FOXP1: variants seen among roughly 807,000 people sequenced by gnomAD.
FOXP1 encodes the protein forkhead box protein P1.
A neutral mutation model predicts 98.2 loss-of-function variants in FOXP1; 15 were observed. The ratio of observed to expected loss-of-function variants is 0.15; its 90% CI spans 0.10 to 0.24. The LOEUF is 0.24. Ranked by LOEUF, FOXP1 falls within the 10% of genes least tolerant of loss-of-function variation. The pLI is 1.00. For missense variants in FOXP1, 633 were observed against 848.5 expected, an observed-to-expected ratio of 0.75 and a Z score of 3.15; for synonymous variants, 371 against 314.5, an observed-to-expected ratio of 1.18 and a Z score of -1.90.
intron 3 of FOXP1, among the ~76,000 whole-genome samples, chr3:71,384,397 C>G (rs748272815): frequency 1.3e-5 from 2 of 152,066 alleles, no homozygotes; most frequent in Non-Finnish European, 2.9e-5. Context: ...AGAAAAGCAA[C>G]GGAAACAAGG....
intron 6 of FOXP1, among the ~76,000 whole-genome samples, chr3:71,146,069 G>T (rs1247398591): frequency 2.0e-5 from 3 of 152,182 alleles, no homozygotes; most frequent in Non-Finnish European, 4.4e-5. Flanking sequence ...CGGAAGCTGT[G>T]GATGGGCCCA....
intron 3 of FOXP1, among the ~76,000 whole-genome samples, chr3:71,374,708 C>T (rs34973838): frequency 0.24 from 35,856 of 152,096 alleles, 5,187 homozygotes; most frequent in Middle Eastern, 0.35. Context: ...TGCAAGTATC[C>T]AAGTAACTAT....
chr3:71,137,378 C>T (rs1048480893), intron 6 of FOXP1, among the ~76,000 whole-genome samples: 1 of 152,224 alleles, frequency 6.6e-6, no homozygotes, highest in Non-Finnish European at 1.5e-5. Flanking sequence ...AAAACATCCT[C>T]CATACGGTCT....
chr3:71,462,662 T>G (rs972037162), intron 3 of FOXP1, among the ~76,000 whole-genome samples: 1 of 152,242 alleles, frequency 6.6e-6, no homozygotes, highest in African/African-American at 2.4e-5. Flanking sequence ...AGGGAAATCA[T>G]TGCATCTATG....
chr3:71,529,078 T>C (rs191869476), intron 2 of FOXP1, among the ~76,000 whole-genome samples: 237 of 152,290 alleles, frequency 1.6e-3, no homozygotes, highest in African/African-American at 5.5e-3. Flanking sequence ...CTGTGATGAA[T>C]AAAAAGAAAA....
At chr3:71,146,103 A>G (rs1166892891) in intron 6 of FOXP1, among the ~76,000 whole-genome samples, 1 of 152,182 alleles carries the variant, frequency 6.6e-6, no homozygotes, top group Non-Finnish European at 1.5e-5. Flanking sequence ...ACAGAGAGGG[A>G]ACAAACAGGA....
At chr3:71,348,094 G>T (rs1387644070) in intron 4 of FOXP1, among the ~76,000 whole-genome samples, 2 of 152,084 alleles carry the variant, frequency 1.3e-5, no homozygotes, top group East Asian at 1.9e-4. Flanking sequence ...TAACAATACT[G>T]TAATAGAAGT....
At chr3:71,494,953 A>T (rs2091306257) in intron 2 of FOXP1, among the ~76,000 whole-genome samples, 1 of 152,124 alleles carries the variant, frequency 6.6e-6, no homozygotes, top group Admixed American at 6.5e-5. Context: ...GAAAAAGAAA[A>T]GAAATGAAGA....
chr3:71,368,369 C>G (rs551733372), intron 3 of FOXP1, among the ~76,000 whole-genome samples: 1 of 152,152 alleles, frequency 6.6e-6, no homozygotes, highest in South Asian at 2.1e-4. Flanking sequence ...TCAAGTGATC[C>G]GCCTGCTTTG....
At chr3:71,265,742 G>A (rs1365471112) in intron 5 of FOXP1, among the ~76,000 whole-genome samples, 1 of 152,166 alleles carries the variant, frequency 6.6e-6, no homozygotes. Flanking sequence ...GGCACATGAC[G>A]CGCTGGACCG....
intron 4 of FOXP1, among the ~76,000 whole-genome samples, chr3:71,317,684 T>A (rs1379631121): frequency 2.0e-5 from 3 of 151,902 alleles, no homozygotes; most frequent in Non-Finnish European, 4.4e-5. Context: ...TAATTAATCT[T>A]CCCCCAAATA....
At chr3:71,169,612 G>GC (rs897852371) in intron 6 of FOXP1, among the ~76,000 whole-genome samples, 3 of 105,140 alleles carry the variant, frequency 2.9e-5, no homozygotes, top group Non-Finnish European at 5.7e-5. Context: ...CTCCCCCACC[G>GC]CCCCCCGCAA....
chr3:71,279,642 C>T (rs2071300503), intron 5 of FOXP1, among the ~76,000 whole-genome samples: 1 of 151,950 alleles, frequency 6.6e-6, no homozygotes, highest in Admixed American at 6.6e-5. Context: ...GTGTATCCAA[C>T]CAAGTAGAAA....
chr3:70,993,999 G>GAAGAAAAAGAAAAAGAAAAAGAAA (rs5849975), intron 13 of FOXP1, among the ~76,000 whole-genome samples: 4 of 135,960 alleles, frequency 2.9e-5, no homozygotes, highest in African/African-American at 1.1e-4. Flanking sequence ...CGTCTCAAAA[G>GAAGAAAAAGAAAAAGAAAAAGAAA]AAGAAAAAGA....
At chr3:71,391,930 T>C (rs2081068362) in intron 3 of FOXP1, among the ~76,000 whole-genome samples, 1 of 152,134 alleles carries the variant, frequency 6.6e-6, no homozygotes, top group South Asian at 2.1e-4. Context: ...GGGTACAGGG[T>C]AAAGCAGGAA....
At chr3:71,183,514 C>A (rs1354398431) in intron 6 of FOXP1, among the ~76,000 whole-genome samples, 2 of 151,694 alleles carry the variant, frequency 1.3e-5, no homozygotes, top group Non-Finnish European at 2.9e-5. Context: ...CAAAACAAAA[C>A]AAAAAAAACC....
intron 7 of FOXP1, among the ~76,000 whole-genome samples, chr3:71,082,513 A>G (rs1358021017): frequency 2.0e-5 from 3 of 151,962 alleles, no homozygotes; most frequent in Non-Finnish European, 2.9e-5. Flanking sequence ...ATTAGGAGAA[A>G]TACCTAATGT....
At chr3:71,513,887 G>A (rs149868677) in intron 2 of FOXP1, among the ~76,000 whole-genome samples, 19 of 152,258 alleles carry the variant, frequency 1.2e-4, no homozygotes, top group African/African-American at 2.2e-4. Flanking sequence ...ACCGTCACTC[G>A]CTGTTCAGAG....
rs2059491230 is a variant in FOXP1 at position 71,130,372 on chromosome 3, G to A, written c.181-17735C>T. 3.3e-6 allele frequency: 3 copies of A among 909,986 alleles called. 1 individual carries two copies. The allele number at this position is 909,986 out of a possible 1,614,324, so 56.4% of individuals were successfully genotyped here. The stretch of plus-strand genomic sequence containing the variant: ...GATGGAGAGAGGAGGGAAGGGGGAG[G>A]AAAAAAAGCAGTAAACAAGTTGGAT... On this transcript the variant is annotated intron_variant, in intron 6 of 20. Coordinates refer to ENST00000649528, the MANE Select transcript of FOXP1 (RefSeq NM_001349338.3).
Sources: gnomAD v4.1 joint callset for allele counts (sites outside exome capture counted in the v4.1 genomes callset) on GRCh38, gnomAD v4.1.1 for gene constraint, MANE v1.5 for transcripts, NCBI Gene and HGNC (gene_info 2026-07-23, HGNC 2026-07-21) for gene names.